CSMD3: variants seen among roughly 807,000 people sequenced by gnomAD.
CSMD3 encodes the protein CUB and sushi domain-containing protein 3.
CSMD3 carries 177 observed loss-of-function variants against 435.2 expected under a neutral mutation model. The ratio of observed to expected loss-of-function variants is 0.41; its 90% CI spans 0.36 to 0.46. CSMD3 has a LOEUF of 0.46. CSMD3 is among the 20% of genes least tolerant of loss of function. CSMD3 has a pLI of 0.34. For synonymous variants in CSMD3, 1,656 were observed against 1,520.5 expected (o/e 1.09, Z -2.07); for missense variants, 4,265 against 4,504.6 (o/e 0.95, Z 1.52).
At chr8:113,209,659 A>G (rs768985217) in intron 3 of CSMD3, among the ~76,000 whole-genome samples, 2 of 152,186 alleles carry the variant, frequency 1.3e-5, no homozygotes, top group African/African-American at 4.8e-5. Context: ...CCGGTATTTC[A>G]TAATTATGTC....
At chr8:112,433,816 G>A (rs2130427707) in intron 32 of CSMD3, among the ~76,000 whole-genome samples, 1 of 151,942 alleles carries the variant, frequency 6.6e-6, no homozygotes. Flanking sequence ...TATTTAGTGA[G>A]TTAAAAAGCA....
rs558242073 is a variant in CSMD3, at chr8:112,315,098, T to C, written c.7361-481A>G. On this transcript the variant is annotated intron_variant, in intron 47 of 70. Coordinates refer to ENST00000297405, the MANE Select transcript of CSMD3 (RefSeq NM_198123.2). Reference sequence around the variant, plus strand: ...AAGTATTCATTTCAAGTAAAATCATTTCTGATATCAGGTATATGTTTACCA... The same window carrying C: ...AAGTATTCATTTCAAGTAAAATCATCTCTGATATCAGGTATATGTTTACCA... Among the ~76,000 whole-genome samples the C allele has an allele frequency of 2.0e-5, 3 of 152,020 alleles. No individual in the cohort carries two copies. The South Asian group carries it at 6.2e-4, about 31-fold the overall frequency.
intron 3 of CSMD3, among the ~76,000 whole-genome samples, chr8:113,229,197 C>T (rs888565241): frequency 6.6e-6 from 1 of 151,466 alleles, no homozygotes; most frequent in African/African-American, 2.4e-5. Flanking sequence ...TATGAAAAGC[C>T]ACAGATACTC....
intron 5 of CSMD3, among the ~76,000 whole-genome samples, chr8:113,027,521 T>C (rs2086918944): frequency 6.6e-6 from 1 of 152,158 alleles, no homozygotes; most frequent in African/African-American, 2.4e-5. Context: ...TTGTCATAGA[T>C]GCCTGACTGT....
intron 12 of CSMD3, among the ~76,000 whole-genome samples, chr8:112,808,932 G>A (rs2132373936): frequency 6.6e-6 from 1 of 152,052 alleles, no homozygotes; most frequent in East Asian, 1.9e-4. Context: ...TAGTAATTAT[G>A]CAATTATTTA....
chr8:112,461,904 C>A lies in CSMD3; in HGVS notation c.5395+10687G>T, dbSNP rs182385347. On this transcript the variant is annotated intron_variant, in intron 32 of 70. Transcript: ENST00000297405. ...TAAGCAGATTTTTGGTGCAACTTTC[C>A]CATACTTTAATTCTCTAGCTTCCAG... 8.0e-3 allele frequency among the ~76,000 whole-genome samples: 1,220 copies of A among 152,006 alleles called. 23 individuals are homozygous for A. The highest frequency in any genetic ancestry group is 0.027 in the African/African-American group (1,131 of 41,484).
chr8:112,306,114 G>T lies in CSMD3; in HGVS notation c.7964C>A (p.Thr2655Asn), dbSNP rs371771248. 8.1e-6 allele frequency: 13 copies of T among 1,613,064 alleles called. No individual in the cohort carries two copies. Among genetic ancestry groups the T allele is most frequent in the Non-Finnish European group, 1.0e-5 (12 of 1,179,276 alleles). ...TTDYLVGTRV[T>N]YFCNDGYRLS... ...TCGATATCCATCATTACAAAAATAG[G>T]TAACTCGCGTTCCTACCAAATAGTC... Residue 2655 changes from threonine to asparagine, a missense_variant, in exon 51 of 71, where the codon ACC (threonine) becomes AAC (asparagine). Around this residue, in one of 3 missense-constraint regions of CSMD3, gnomAD observed 3,255 missense variants for 3,380.2 expected, o/e 0.96. Coordinates refer to ENST00000297405, the MANE Select transcript of CSMD3 (RefSeq NM_198123.2).
At chr8:113,186,107 G>A (rs909233841) in intron 3 of CSMD3, among the ~76,000 whole-genome samples, 3 of 151,990 alleles carry the variant, frequency 2.0e-5, no homozygotes, top group African/African-American at 4.8e-5. Flanking sequence ...AGCACTCCGG[G>A]ATATTTGCTT....
At chr8:113,416,596 A>T (rs1588689707) in intron 1 of CSMD3, among the ~76,000 whole-genome samples, 1 of 152,240 alleles carries the variant, frequency 6.6e-6, no homozygotes, top group Middle Eastern at 3.4e-3. Context: ...TAACATTCCC[A>T]GTGCTCTTGA....
intron 32 of CSMD3, among the ~76,000 whole-genome samples, chr8:112,446,033 A>T (rs1469737417): frequency 6.6e-6 from 1 of 152,238 alleles, no homozygotes; most frequent in Non-Finnish European, 1.5e-5. Context: ...AATATTTTAC[A>T]AAACTTAGAA....
At chr8:112,684,161 A>C (rs1017219238) in intron 15 of CSMD3, among the ~76,000 whole-genome samples, 6 of 152,080 alleles carry the variant, frequency 3.9e-5, no homozygotes, top group Non-Finnish European at 2.9e-5. Context: ...TTTAAGACAA[A>C]ATAAAAATTA....
chr8:113,418,406 C>T lies in CSMD3; in HGVS notation c.178+18271G>A, dbSNP rs144287978. Among the ~76,000 whole-genome samples, 527 of 152,092 alleles carry T rather than the reference C, an allele frequency of 3.5e-3. 3 individuals are homozygous for T. The highest frequency in any genetic ancestry group is 6.6e-3 in the Non-Finnish European group (448 of 67,978). ...AAGGAATCTTCTAATAAGACTGAGC[C>T]GTGATTTTTGCAGCGTGGCAGTAAA... On this transcript the variant is annotated intron_variant, in intron 1 of 70. Coordinates refer to ENST00000297405, the MANE Select transcript of CSMD3 (RefSeq NM_198123.2).
intron 10 of CSMD3, among the ~76,000 whole-genome samples, chr8:112,882,647 A>G (rs2081481278): frequency 6.6e-6 from 1 of 151,936 alleles, no homozygotes; most frequent in African/African-American, 2.4e-5. Flanking sequence ...CACATCCTCA[A>G]TCTTGACAAA....
At chr8:113,126,611 T>C (rs2091139074) in intron 4 of CSMD3, among the ~76,000 whole-genome samples, 1 of 151,912 alleles carries the variant, frequency 6.6e-6, no homozygotes. Context: ...TGAGACAGAT[T>C]GTCCAGGAAA....
At chr8:113,334,780 G>A (rs2094058136) in intron 1 of CSMD3, among the ~76,000 whole-genome samples, 1 of 151,918 alleles carries the variant, frequency 6.6e-6, no homozygotes, top group Non-Finnish European at 1.5e-5. Context: ...TCATATCAGA[G>A]GAATTGGCAT....
intron 59 of CSMD3, among the ~76,000 whole-genome samples, chr8:112,269,358 G>C (rs1329251689): frequency 6.6e-6 from 1 of 152,222 alleles, no homozygotes; most frequent in Non-Finnish European, 1.5e-5. Context: ...ACCTGGACCT[G>C]ATTAAAGATG....
chr8:112,987,428 TA>T (rs925737008), intron 6 of CSMD3, among the ~76,000 whole-genome samples: 1 of 152,152 alleles, frequency 6.6e-6, no homozygotes, highest in Non-Finnish European at 1.5e-5. Flanking sequence ...AAAATATTTT[TA>T]AAACATGGCA....
intron 10 of CSMD3, among the ~76,000 whole-genome samples, chr8:112,907,226 G>A (rs1395822243): frequency 2.0e-5 from 3 of 151,450 alleles, no homozygotes; most frequent in African/African-American, 7.3e-5. Context: ...AACATCTTAT[G>A]TATGCTGGGA....
At chr8:112,391,935 A>G (rs1830451480) in intron 35 of CSMD3, among the ~76,000 whole-genome samples, 1 of 152,170 alleles carries the variant, frequency 6.6e-6, no homozygotes, top group East Asian at 1.9e-4. Flanking sequence ...GATTCTGGCC[A>G]TGACCTAACT....
Sources: gnomAD v4.1 joint callset for allele counts (sites outside exome capture counted in the v4.1 genomes callset) on GRCh38, gnomAD v4.1.1 for gene constraint, gnomAD v4.1.1 regional missense constraint, MANE v1.5 for transcripts, NCBI Gene and HGNC (gene_info 2026-07-23, HGNC 2026-07-21) for gene names.